STON2: variants seen among roughly 807,000 people sequenced by gnomAD.
STON2 encodes the protein stonin-2.
Under a neutral mutation model 65.7 loss-of-function variants are expected in STON2, and 29 were observed. The observed-to-expected ratio is 0.44, with a 90% confidence interval of 0.33 to 0.60. The LOEUF (loss-of-function observed/expected upper bound fraction) is 0.60. Ranked by LOEUF, STON2 falls within the 20% of genes least tolerant of loss-of-function variation. STON2 has a pLI of 0.03. For missense variants in STON2, 1,054 were observed against 1,118.1 expected, an observed-to-expected ratio of 0.94 and a Z score of 0.82; for synonymous variants, 404 against 414.2, an observed-to-expected ratio of 0.98 and a Z score of 0.30.
chr14:81,431,377 C>T (rs1352155153), intron 1 of STON2, among the ~76,000 whole-genome samples: 2 of 152,166 alleles, frequency 1.3e-5, no homozygotes, highest in African/African-American at 2.4e-5. Context: ...GTGGCTCACA[C>T]CTGTAATCCT....
rs1566942451 is a variant in STON2 at position 81,396,296 on chromosome 14, G to A, written c.89-118C>T. The A allele has an allele frequency of 4.4e-6, 4 of 900,230 alleles. No homozygotes were observed. The South Asian group carries it at 5.2e-5, about 12-fold the overall frequency. 55.8% of individuals were successfully genotyped at this position (900,230 alleles called of 1,614,324 possible). ...CCCGCATGACTCGCCACTGCAGTGA[G>A]TGGGGAGAAGAAAGAGCCACACCCA... is the stretch of plus-strand genomic sequence containing the variant. On this transcript the variant is annotated intron_variant, in intron 2 of 7. Transcript: ENST00000614646.
chr14:81,306,043 T>C (rs1896159643), intron 5 of STON2, among the ~76,000 whole-genome samples: 1 of 151,680 alleles, frequency 6.6e-6, no homozygotes, highest in Non-Finnish European at 1.5e-5. Context: ...TCTGCTTGAT[T>C]ATTTAACTTC....
intron 5 of STON2, among the ~76,000 whole-genome samples, chr14:81,312,987 C>G (rs1475355102): frequency 6.6e-6 from 1 of 152,242 alleles, no homozygotes; most frequent in Admixed American, 6.5e-5. Context: ...ATTAAAAGGG[C>G]AAAGCCCCGT....
intron 2 of STON2, among the ~76,000 whole-genome samples, chr14:81,397,706 A>G (rs908541533): frequency 2.0e-5 from 3 of 152,168 alleles, no homozygotes; most frequent in Non-Finnish European, 4.4e-5. Context: ...CAAGTTCTCC[A>G]AAGTCAATAT....
intron 3 of STON2, among the ~76,000 whole-genome samples, chr14:81,393,123 C>G (rs1214093353): frequency 6.6e-6 from 1 of 152,110 alleles, no homozygotes; most frequent in African/African-American, 2.4e-5. Flanking sequence ...GATCCTCAGT[C>G]AGATGGGGGC....
chr14:81,299,000 C>T (rs991712289), intron 5 of STON2, among the ~76,000 whole-genome samples: 3 of 152,132 alleles, frequency 2.0e-5, no homozygotes, highest in African/African-American at 4.8e-5. Flanking sequence ...ACCTCTACCA[C>T]CAAAATAAGA....
chr14:81,372,505 G>A (rs941127249), intron 3 of STON2, among the ~76,000 whole-genome samples: 13 of 149,528 alleles, frequency 8.7e-5, no homozygotes, highest in Admixed American at 3.3e-4. Flanking sequence ...CAGTGAGATC[G>A]CGCCATTGCA....
intron 5 of STON2, among the ~76,000 whole-genome samples, chr14:81,302,917 T>C (rs746382691): frequency 9.2e-5 from 14 of 152,228 alleles, no homozygotes; most frequent in Non-Finnish European, 1.6e-4. Context: ...GTTTCTGCTA[T>C]AATTAATGTA....
chr14:81,269,224 T>G (rs1461626909), intron 7 of STON2: 5 of 741,286 alleles, frequency 6.7e-6, no homozygotes, highest in Non-Finnish European at 8.2e-6. Flanking sequence ...CAGGCTGTTC[T>G]TGAATTCCTG....
At chr14:81,269,719 A>G (rs997501357) in intron 7 of STON2, 2 of 985,072 alleles carry the variant, frequency 2.0e-6, no homozygotes, top group Admixed American at 6.1e-5. Context: ...TATTATAAAT[A>G]GAAAACCACT....
At chr14:81,428,968 T>C (rs1595476750) in intron 1 of STON2, among the ~76,000 whole-genome samples, 1 of 152,322 alleles carries the variant, frequency 6.6e-6, no homozygotes, top group South Asian at 2.1e-4. Flanking sequence ...TGGCATGAAA[T>C]ATGCTTGAGA....
At chr14:81,431,703 G>A (rs916181639) in intron 1 of STON2, among the ~76,000 whole-genome samples, 5 of 151,946 alleles carry the variant, frequency 3.3e-5, no homozygotes, top group South Asian at 4.1e-4. Flanking sequence ...GCTTGAACCC[G>A]GGAGCCGGAG....
In STON2 at chr14:81,261,360, C is replaced by A. The variant is rs1894135865; in HGVS notation, c.*7054G>T. On this transcript the variant is annotated 3_prime_UTR_variant, in exon 8 of 8. Coordinates refer to ENST00000614646, the MANE Select transcript of STON2 (RefSeq NM_001394390.1). ...AACACGAGCAAGCAGGAAGAGGATG[C>A]TGGAATTCCTTACTCTGTCCAGTTG... 1 of 152,778 alleles carries A rather than the reference C, an allele frequency of 6.5e-6. No individual in the cohort carries two copies. 9.5% of individuals were successfully genotyped at this position (152,778 alleles called of 1,614,324 possible). A position where few individuals can be genotyped will look rare whatever the true frequency, so the allele number is the denominator to read the frequency against.
intron 2 of STON2, among the ~76,000 whole-genome samples, chr14:81,419,773 C>A (rs1021373784): frequency 3.3e-5 from 5 of 152,300 alleles, no homozygotes; most frequent in Middle Eastern, 3.4e-3. Context: ...GGAGGCAGAG[C>A]CTGAGGCCAA....
At chr14:81,315,816 A>G (rs1326391334) in intron 5 of STON2, among the ~76,000 whole-genome samples, 1 of 152,262 alleles carries the variant, frequency 6.6e-6, no homozygotes, top group Non-Finnish European at 1.5e-5. Context: ...TTGAGCAAGA[A>G]GAGGAGGAGG....
intron 4 of STON2, among the ~76,000 whole-genome samples, chr14:81,362,537 T>C (rs78869117): frequency 0.037 from 5,646 of 152,268 alleles, 168 homozygotes; most frequent in Middle Eastern, 0.071. Flanking sequence ...AATTAGACAG[T>C]AGTAATAAGG....
intron 4 of STON2, among the ~76,000 whole-genome samples, chr14:81,353,200 T>C (rs1595385015): frequency 6.6e-6 from 1 of 152,224 alleles, no homozygotes; most frequent in Non-Finnish European, 1.5e-5. Context: ...GTCTTACATT[T>C]GAAAACATGG....
At chr14:81,370,764 T>C (rs1003037568) in intron 4 of STON2, among the ~76,000 whole-genome samples, 1 of 152,244 alleles carries the variant, frequency 6.6e-6, no homozygotes, top group African/African-American at 2.4e-5. Context: ...TGTCAAATGG[T>C]TGCCGAGTAT....
chr14:81,353,339 G>A (rs924163542), intron 4 of STON2, among the ~76,000 whole-genome samples: 1 of 152,188 alleles, frequency 6.6e-6, no homozygotes, highest in African/African-American at 2.4e-5. Flanking sequence ...TGGAAATGAA[G>A]GTCTTCTAGC....
Sources: allele counts gnomAD v4.1 joint callset (sites outside exome capture counted in the v4.1 genomes callset), GRCh38; gene constraint gnomAD v4.1.1; transcripts MANE v1.5; gene names NCBI Gene and HGNC (gene_info 2026-07-23, HGNC 2026-07-21).